UBE2D1: variants seen among roughly 807,000 people sequenced by gnomAD.
UBE2D1 encodes the protein ubiquitin conjugating enzyme E2 D1, also known as ubiquitin-conjugating enzyme E2 D1.
A neutral mutation model predicts 24.6 loss-of-function variants in UBE2D1; 9 were observed. The ratio of observed to expected loss-of-function variants is 0.37; its 90% CI spans 0.22 to 0.64. UBE2D1 has a LOEUF of 0.64. Among genes scored for constraint, UBE2D1 ranks in the 30% least tolerant of loss-of-function variants. UBE2D1 has a pLI of 0.64. For synonymous variants in UBE2D1, 57 were observed against 57.6 expected (o/e 0.99, Z 0.04); for missense variants, 87 against 177.1 (o/e 0.49, Z 2.89).
chr10:58,335,771 T>C (rs1839896994), intron 1 of UBE2D1, among the ~76,000 whole-genome samples: 1 of 152,222 alleles, frequency 6.6e-6, no homozygotes, highest in East Asian at 1.9e-4. Context: ...GGAAAGCCCA[T>C]TTGCGGCCAA....
intron 1 of UBE2D1, among the ~76,000 whole-genome samples, chr10:58,349,623 A>G (rs1252786392): frequency 6.6e-6 from 1 of 151,894 alleles, no homozygotes; most frequent in African/African-American, 2.4e-5. Context: ...TTATGTTATC[A>G]TTATGTTATT....
In UBE2D1 at chr10:58,363,605, T is replaced by G; in HGVS notation, c.121-4T>G. 6.3e-7 allele frequency: 1 copy of G among 1,599,014 alleles called. No homozygotes were observed. Among genetic ancestry groups the G allele is most frequent in the South Asian group, 1.1e-5 (1 of 87,748 alleles). ...ATGCTGATGCAAATCTTTTGTAATT[T>G]CAGCCTGATAGCGCATATCAAGGTG... On this transcript the variant is annotated splice_polypyrimidine_tract_variant and splice_region_variant and intron_variant, in intron 3 of 6. Transcript: ENST00000373910.
At chr10:58,354,436 T>G (rs1285274762) in intron 1 of UBE2D1, among the ~76,000 whole-genome samples, 1 of 152,166 alleles carries the variant, frequency 6.6e-6, no homozygotes, top group African/African-American at 2.4e-5. Flanking sequence ...TTTAATTTTT[T>G]TTTTTTTGGT....
intron 1 of UBE2D1, 22 bp downstream of exon 1, chr10:58,335,247 G>A: frequency 6.6e-7 from 1 of 1,521,280 alleles, no homozygotes; most frequent in Non-Finnish European, 8.8e-7. Context: ...GGCCGGGCCT[G>A]GGGCTGCGGG....
chr10:58,368,162 CTTT>C (rs1349280793), intron 6 of UBE2D1, 146 bp downstream of exon 6: 2 of 570,566 alleles, frequency 3.5e-6, no homozygotes, highest in Admixed American at 6.2e-5. Context: ...GTAAACCTTT[CTTT>C]GAGAACTCTG....
chr10:58,359,194 T>C (rs1840167445), intron 1 of UBE2D1, among the ~76,000 whole-genome samples: 1 of 152,206 alleles, frequency 6.6e-6, no homozygotes, highest in Admixed American at 6.5e-5. Context: ...ATTAGAGCAC[T>C]GAACTCATTG....
intron 1 of UBE2D1, among the ~76,000 whole-genome samples, chr10:58,336,119 C>A (rs567393267): frequency 6.6e-6 from 1 of 152,286 alleles, no homozygotes; most frequent in East Asian, 1.9e-4. Flanking sequence ...TTATTGCCAC[C>A]ATTTCAGATG....
intron 1 of UBE2D1, among the ~76,000 whole-genome samples, chr10:58,339,116 T>A (rs1044629953): frequency 8.5e-5 from 13 of 152,132 alleles, no homozygotes; most frequent in Admixed American, 5.2e-4. Flanking sequence ...CTGAGTTTTT[T>A]TTGTTTTTAG....
intron 1 of UBE2D1, among the ~76,000 whole-genome samples, chr10:58,348,401 G>A (rs1452439839): frequency 6.6e-6 from 1 of 152,158 alleles, no homozygotes; most frequent in Non-Finnish European, 1.5e-5. Flanking sequence ...TCCTTTTAGA[G>A]GCAACATGAA....
chr10:58,361,056 A>G (rs1840191626), intron 1 of UBE2D1: 1 of 521,698 alleles, frequency 1.9e-6, no homozygotes, highest in South Asian at 2.0e-5. Flanking sequence ...ATTATCTTAC[A>G]TACAGTAGGT....
At chr10:58,346,232 G>A (rs1468175493) in intron 1 of UBE2D1, among the ~76,000 whole-genome samples, 10 of 151,760 alleles carry the variant, frequency 6.6e-5, no homozygotes, top group East Asian at 1.9e-4. Flanking sequence ...GGCTGGTCTC[G>A]AACCCCTGAC....
At chr10:58,360,632 T>G (rs983545130) in intron 1 of UBE2D1, among the ~76,000 whole-genome samples, 4 of 152,156 alleles carry the variant, frequency 2.6e-5, no homozygotes, top group Admixed American at 2.0e-4. Context: ...CAAGTTGTCC[T>G]TAAATGAGCT....
chr10:58,344,910 G>T (rs1238939632), intron 1 of UBE2D1, among the ~76,000 whole-genome samples: 1 of 151,016 alleles, frequency 6.6e-6, no homozygotes, highest in Non-Finnish European at 1.5e-5. Flanking sequence ...TGTCACCCAG[G>T]CTGGACTGCA....
chr10:58,349,019 T>G (rs1840045011), intron 1 of UBE2D1, among the ~76,000 whole-genome samples: 1 of 152,212 alleles, frequency 6.6e-6, no homozygotes, highest in Admixed American at 6.5e-5. Flanking sequence ...AATTTAAAAT[T>G]CAGTTTCAGA....
intron 5 of UBE2D1, among the ~76,000 whole-genome samples, chr10:58,365,908 G>A (rs1324430757): frequency 6.6e-6 from 1 of 152,188 alleles, no homozygotes. Flanking sequence ...ATAGGAAGCA[G>A]GGTCCACAGC....
chr10:58,345,177 T>A (rs988150781), intron 1 of UBE2D1, among the ~76,000 whole-genome samples: 3 of 151,998 alleles, frequency 2.0e-5, no homozygotes, highest in Non-Finnish European at 4.4e-5. Flanking sequence ...TGTAATAGAT[T>A]TTTAAGATTC....
At position 58,369,957 on chromosome 10, in the gene UBE2D1, C is replaced by T. The variant is rs890711554; in HGVS notation, c.*1192C>T. 3 of 151,838 alleles carry T rather than the reference C, an allele frequency of 2.0e-5. No homozygotes were observed. The highest frequency in any genetic ancestry group is 6.6e-5 in the Admixed American group (1 of 15,224). The allele number at this position is 151,838 out of a possible 1,614,324, so 9.4% of individuals were successfully genotyped here. A position where few individuals can be genotyped will look rare whatever the true frequency, so the allele number is the denominator to read the frequency against. The stretch of plus-strand genomic sequence containing the variant: ...TCACTAGATTAATTCATTAAAATGC[C>T]CCCACCCTGATGTAATTGACATTAC... On this transcript the variant is annotated 3_prime_UTR_variant, in exon 7 of 7. Coordinates refer to ENST00000373910, the MANE Select transcript of UBE2D1 (RefSeq NM_003338.5).
At chr10:58,347,751 G>A (rs973786182) in intron 1 of UBE2D1, among the ~76,000 whole-genome samples, 2 of 150,338 alleles carry the variant, frequency 1.3e-5, no homozygotes, top group Non-Finnish European at 2.9e-5. Flanking sequence ...GGGTTCAAGC[G>A]ATTCTTCTGC....
chr10:58,358,891 A>G (rs1230949849), intron 1 of UBE2D1, among the ~76,000 whole-genome samples: 1 of 151,232 alleles, frequency 6.6e-6, no homozygotes, highest in African/African-American at 2.4e-5. Context: ...CTCCCAAGTA[A>G]TTGGAATTAC....
Sources: allele counts gnomAD v4.1 joint callset (sites outside exome capture counted in the v4.1 genomes callset), GRCh38; gene constraint gnomAD v4.1.1; transcripts MANE v1.5; gene names NCBI Gene and HGNC (gene_info 2026-07-23, HGNC 2026-07-21).